Variants in SLCO1A2 observed in about 807,000 individuals in gnomAD.
The protein encoded by SLCO1A2 is OATP-1.
SLCO1A2 carries 67 observed loss-of-function variants against 69.0 expected under a neutral mutation model. That is an observed-to-expected ratio of 0.97 (90% CI 0.80 to 1.19). SLCO1A2 has a LOEUF of 1.19. Among genes scored for constraint, SLCO1A2 ranks in the 50% most tolerant of loss-of-function variants. The pLI, the probability that SLCO1A2 is intolerant of heterozygous loss-of-function variation, is 0.00. For missense variants in SLCO1A2, 787 were observed against 793.7 expected, an observed-to-expected ratio of 0.99 and a Z score of 0.10; for synonymous variants, 260 against 265.9, an observed-to-expected ratio of 0.98 and a Z score of 0.22.
intron 1 of SLCO1A2, chr12:21,379,398 C>A (rs539618595): frequency 6.6e-6 from 1 of 152,310 alleles, no homozygotes; most frequent in South Asian, 2.1e-4. Flanking sequence ...TTCAGCAAAC[C>A]TCAGTCATAT....
intron 12 of SLCO1A2, among the ~76,000 whole-genome samples, chr12:21,277,351 A>T (rs1944053824): frequency 6.6e-6 from 1 of 152,070 alleles, no homozygotes; most frequent in Admixed American, 6.6e-5. Flanking sequence ...GATACATCAC[A>T]TGCTGGCTAA....
intron 12 of SLCO1A2, among the ~76,000 whole-genome samples, chr12:21,281,154 A>G (rs1944714814): frequency 1.3e-5 from 2 of 152,164 alleles, no homozygotes; most frequent in Admixed American, 6.6e-5. Flanking sequence ...AAAAACTTCA[A>G]ATAAACAACC....
chr12:21,293,966 G>A lies in SLCO1A2; in HGVS notation c.1416C>T (p.Ser472=). The A allele has an allele frequency of 1.2e-6, 2 of 1,610,004 alleles. No individual in the cohort carries two copies. The highest frequency in any genetic ancestry group is 2.2e-5 in the East Asian group (1 of 44,484). ...TTACCATGTTTATTCCCGTTCCAAT[G>A]GATGTCTCACAACCAGCAAGACAAG... is the stretch of plus-strand genomic sequence containing the variant. ...LSACLAGCET[S]IGTGINMVFQ... Residue 472 remains serine, a synonymous_variant, in exon 11 of 15, where the codon TCC becomes TCT. Coordinates refer to ENST00000683939, the MANE Select transcript of SLCO1A2 (RefSeq NM_001386879.1).
chr12:21,406,866 T>C (rs1159670889), intron 1 of SLCO1A2, among the ~76,000 whole-genome samples: 2 of 152,190 alleles, frequency 1.3e-5, no homozygotes, highest in Admixed American at 6.5e-5. Flanking sequence ...TGTTGAAATA[T>C]GTATAAACTG....
rs11568555 is a variant in SLCO1A2, at chr12:21,300,424, AT to A, written c.833del (p.Asn278MetfsTer32). 2 of 1,613,330 alleles carry A rather than the reference AT, an allele frequency of 1.2e-6. No homozygotes were observed. Among genetic ancestry groups the A allele is most frequent in the African/African-American group, 2.7e-5 (2 of 74,788 alleles). On this transcript the variant is annotated frameshift_variant, in exon 8 of 15. Coordinates refer to ENST00000683939, the MANE Select transcript of SLCO1A2 (RefSeq NM_001386879.1). LOFTEE classifies it high-confidence loss of function. The part of the protein sequence containing the change: ...NTLPKEGLET[N>X]ADIIKNENED... Reference sequence around the variant, plus strand: ...CATTTTCATTTTTAATGATGTCAGCATTAGTCTCTAGTCCTTCCTTTGGAAG... The same window carrying A: ...CATTTTCATTTTTAATGATGTCAGCATAGTCTCTAGTCCTTCCTTTGGAAG...
At chr12:21,284,185 G>A (rs1280463394) in intron 12 of SLCO1A2, among the ~76,000 whole-genome samples, 1 of 152,126 alleles carries the variant, frequency 6.6e-6, no homozygotes, top group Non-Finnish European at 1.5e-5. Context: ...AGCAATAGAT[G>A]AATGGATAAA....
intron 2 of SLCO1A2, chr12:21,372,976 T>A (rs1203867379): frequency 4.0e-6 from 1 of 249,618 alleles, no homozygotes; most frequent in Non-Finnish European, 7.8e-6. Flanking sequence ...AAGCATTTGC[T>A]GATATTGCTG....
At chr12:21,381,241 G>A (rs1042544475) in intron 1 of SLCO1A2, among the ~76,000 whole-genome samples, 31 of 152,010 alleles carry the variant, frequency 2.0e-4, no homozygotes, top group South Asian at 6.2e-4. Flanking sequence ...CCACAGAATC[G>A]GAGAAAATAT....
At chr12:21,300,819 TC>T (rs1948626434) in intron 7 of SLCO1A2, among the ~76,000 whole-genome samples, 2 of 152,154 alleles carry the variant, frequency 1.3e-5, no homozygotes, top group South Asian at 4.1e-4. Context: ...AAGTTCTATT[TC>T]ATCATCAACA....
At chr12:21,319,722 C>CATAGGTT (rs1482444416) in intron 2 of SLCO1A2, 1 of 269,518 alleles carries the variant, frequency 3.7e-6, no homozygotes, top group Non-Finnish European at 7.4e-6. Context: ...TATAAATTTC[C>CATAGGTT]ATAGGTTTTA....
chr12:21,396,418 G>C (rs1464728493), upstream of SLCO1A2, among the ~76,000 whole-genome samples: 2 of 148,348 alleles, frequency 1.3e-5, no homozygotes, highest in Non-Finnish European at 3.0e-5. Context: ...AAAGTGATGG[G>C]GAGAATGGAA....
intron 2 of SLCO1A2, among the ~76,000 whole-genome samples, chr12:21,323,886 C>T (rs953948164): frequency 1.3e-5 from 2 of 152,122 alleles, no homozygotes; most frequent in Admixed American, 1.3e-4. Flanking sequence ...CTCACACACC[C>T]ACCTCTTCCA....
At chr12:21,381,248 A>G (rs1454426929) in intron 1 of SLCO1A2, among the ~76,000 whole-genome samples, 1 of 152,190 alleles carries the variant, frequency 6.6e-6, no homozygotes, top group Non-Finnish European at 1.5e-5. Flanking sequence ...ATCGGAGAAA[A>G]TATTTGCAAA....
intron 12 of SLCO1A2, among the ~76,000 whole-genome samples, chr12:21,286,985 G>T (rs1945929267): frequency 6.8e-6 from 1 of 147,622 alleles, no homozygotes; most frequent in African/African-American, 2.5e-5. Flanking sequence ...AAAAGCAATG[G>T]CAACAAAAGC....
At chr12:21,271,727 G>A (rs2417971) in intron 14 of SLCO1A2, among the ~76,000 whole-genome samples, 53,666 of 147,342 alleles carry the variant, frequency 0.36, 10,790 homozygotes, top group African/African-American at 0.55. Flanking sequence ...GTGAATATAT[G>A]TTGCATATGT....
At chr12:21,331,111 A>C (rs1373107514) in intron 2 of SLCO1A2, among the ~76,000 whole-genome samples, 1 of 152,152 alleles carries the variant, frequency 6.6e-6, no homozygotes, top group East Asian at 1.9e-4. Context: ...CCTCTGAATT[A>C]GACAAAAATA....
At chr12:21,316,082 G>C (rs941968961) in intron 3 of SLCO1A2, among the ~76,000 whole-genome samples, 7 of 152,144 alleles carry the variant, frequency 4.6e-5, no homozygotes, top group African/African-American at 1.7e-4. Context: ...GGTAGAAATT[G>C]TTAATATATT....
At chr12:21,298,860 G>A (rs7952736) in intron 8 of SLCO1A2, among the ~76,000 whole-genome samples, 2,375 of 152,222 alleles carry the variant, frequency 0.016, 55 homozygotes, top group African/African-American at 0.054. Context: ...AAGATTCTGA[G>A]TTGGCTCCTA....
intron 2 of SLCO1A2, among the ~76,000 whole-genome samples, chr12:21,371,689 T>C (rs114958964): frequency 0.027 from 4,113 of 152,208 alleles, 201 homozygotes; most frequent in African/African-American, 0.093. Context: ...ATAACTAAGA[T>C]ACCAAATATA....
Sources: gnomAD v4.1 joint callset for allele counts (sites outside exome capture counted in the v4.1 genomes callset) on GRCh38, gnomAD v4.1.1 for gene constraint, MANE v1.5 for transcripts, NCBI Gene and HGNC (gene_info 2026-07-23, HGNC 2026-07-21) for gene names.